The following TTLL7 variants were observed in gnomAD, a reference collection of about 807,000 sequenced individuals.
TTLL7 encodes the protein tubulin tyrosine ligase like 7, also known as tubulin polyglutamylase TTLL7.
TTLL7 carries 53 observed loss-of-function variants against 120.2 expected under a neutral mutation model. The observed-to-expected ratio is 0.44, with a 90% CI of 0.35 to 0.55. TTLL7 has a LOEUF of 0.55. TTLL7 is among the 20% of genes least tolerant of loss of function. The probability of loss-of-function intolerance (pLI) is 0.00; values close to 1 mark genes in which losing one functional copy is unlikely to be tolerated. For synonymous variants in TTLL7, 353 were observed against 351.7 expected (o/e 1.00, Z -0.04); for missense variants, 803 against 1,054.7 (o/e 0.76, Z 3.31).
chr1:83,887,139 T>C (rs1655040342), intron 19 of TTLL7: 1 of 745,114 alleles, frequency 1.3e-6, no homozygotes, highest in Non-Finnish European at 1.8e-6. Context: ...TACATTACTC[T>C]GGTGTTTCTG....
rs1324154338 is a variant in TTLL7 at position 83,890,209 on chromosome 1, G to C, written c.2369+112C>G. Reference sequence around the variant, plus strand: ...AGTTGAGTACTAAACATTACATGCAGTAAAAGAAATCCATATTTTAAAAGA... The same window carrying C: ...AGTTGAGTACTAAACATTACATGCACTAAAAGAAATCCATATTTTAAAAGA... On this transcript the variant is annotated intron_variant, in intron 19 of 20. Transcript: ENST00000260505. The C allele has an allele frequency of 3.6e-6, 4 of 1,115,020 alleles. No homozygotes were observed. In the East Asian group the frequency reaches 1.0e-4, roughly 29 times the overall value. The allele number at this position is 1,115,020 out of a possible 1,614,324, so 69.1% of individuals were successfully genotyped here.
intron 8 of TTLL7, 92 bp from the exon 9 acceptor site, chr1:83,933,858 C>T: frequency 7.9e-7 from 1 of 1,258,920 alleles, no homozygotes; most frequent in Non-Finnish European, 1.1e-6. Context: ...GCAGCCTGGC[C>T]AAGTTTACAA....
intron 1 of TTLL7, among the ~76,000 whole-genome samples, chr1:83,969,084 T>G (rs1650740298): frequency 6.6e-6 from 1 of 152,036 alleles, no homozygotes; most frequent in South Asian, 2.1e-4. Context: ...CATGATATTA[T>G]TAGCAATGTG....
intron 18 of TTLL7, among the ~76,000 whole-genome samples, chr1:83,892,656 GAATGAACATATATATGAA>G (rs1655748285): frequency 1.0e-5 from 1 of 99,760 alleles, no homozygotes; most frequent in Non-Finnish European, 2.4e-5. Flanking sequence ...ATGAACATAT[GAATGAACATATATATGAA>G]CATATGAACA....
intron 1 of TTLL7, among the ~76,000 whole-genome samples, chr1:83,958,754 G>C (rs11163874): frequency 0.43 from 65,604 of 151,970 alleles, 15,599 homozygotes; most frequent in Non-Finnish European, 0.54. Context: ...TATTTGTTTT[G>C]AATATTATTC....
chr1:83,877,408 T>C (rs1244068148), intron 20 of TTLL7, among the ~76,000 whole-genome samples: 1 of 152,040 alleles, frequency 6.6e-6, no homozygotes, highest in Non-Finnish European at 1.5e-5. Context: ...TGAAGAGTGT[T>C]CGCTCCTTTG....
chr1:83,940,689 A>G (rs985531132), intron 7 of TTLL7, among the ~76,000 whole-genome samples: 1 of 152,150 alleles, frequency 6.6e-6, no homozygotes, highest in Non-Finnish European at 1.5e-5. Context: ...TTCTTGGTCC[A>G]GACCCACTGC....
intron 1 of TTLL7, among the ~76,000 whole-genome samples, chr1:83,975,875 C>G (rs1277361722): frequency 6.6e-6 from 1 of 151,962 alleles, no homozygotes; most frequent in East Asian, 1.9e-4. Flanking sequence ...CAGACCATAA[C>G]CTCTAGAGGA....
intron 1 of TTLL7, among the ~76,000 whole-genome samples, chr1:83,958,329 T>C (rs1487522689): frequency 6.6e-6 from 1 of 152,170 alleles, no homozygotes; most frequent in Non-Finnish European, 1.5e-5. Flanking sequence ...GATCCCTAAA[T>C]TGTAATTATC....
At chr1:83,939,014 G>C (rs928954646) in intron 7 of TTLL7, among the ~76,000 whole-genome samples, 1 of 152,076 alleles carries the variant, frequency 6.6e-6, no homozygotes, top group Admixed American at 6.6e-5. Context: ...GGTACATGTT[G>C]TTTATTAATC....
At chr1:83,960,398 G>C (rs1407967697) in intron 1 of TTLL7, among the ~76,000 whole-genome samples, 1 of 152,116 alleles carries the variant, frequency 6.6e-6, no homozygotes, top group Non-Finnish European at 1.5e-5. Context: ...AAAAGCAACA[G>C]ACATAAGGAG....
chr1:83,877,668 T>C (rs2181901), intron 20 of TTLL7, among the ~76,000 whole-genome samples: 6,349 of 152,054 alleles, frequency 0.042, 159 homozygotes, highest in Middle Eastern at 0.099. Context: ...ATTTGTAGAA[T>C]CTGTAGTAAC....
intron 1 of TTLL7, among the ~76,000 whole-genome samples, chr1:83,962,652 T>C (rs951237587): frequency 6.6e-6 from 1 of 152,166 alleles, no homozygotes; most frequent in Non-Finnish European, 1.5e-5. Context: ...TTTCCCAGAC[T>C]TCCTTACAGG....
In TTLL7 at chr1:83,892,401, T is replaced by C. The variant is rs867528137; in HGVS notation, c.2209-1920A>G. On this transcript the variant is annotated intron_variant, in intron 18 of 20. Transcript: ENST00000260505. Reference sequence around the variant, plus strand: ...ATATGAATATATATACGAATATATATGAACATATATATGAACATATATATG... The same window carrying C: ...ATATGAATATATATACGAATATATACGAACATATATATGAACATATATATG... Among the ~76,000 whole-genome samples, 12 of 127,274 alleles carry C rather than the reference T, an allele frequency of 9.4e-5. 2 individuals carry two copies. The highest frequency in any genetic ancestry group is 3.5e-4 in the African/African-American group (12 of 34,002). 83.5% of individuals were successfully genotyped at this position (127,274 alleles called of 152,430 possible).
At chr1:83,927,556 T>C (rs999879996) in intron 10 of TTLL7, among the ~76,000 whole-genome samples, 3 of 152,110 alleles carry the variant, frequency 2.0e-5, no homozygotes, top group Non-Finnish European at 4.4e-5. Flanking sequence ...ACAGTTTGGG[T>C]TGGAGAGAAA....
chr1:83,905,626 C>T (rs1357301362), intron 17 of TTLL7, among the ~76,000 whole-genome samples: 3 of 150,196 alleles, frequency 2.0e-5, no homozygotes, highest in Non-Finnish European at 4.4e-5. Context: ...TACATATGGC[C>T]CCCAAAAAAC....
chr1:83,972,055 T>C (rs1651043939), intron 1 of TTLL7, among the ~76,000 whole-genome samples: 1 of 152,010 alleles, frequency 6.6e-6, no homozygotes, highest in African/African-American at 2.4e-5. Context: ...TCCCCCATTA[T>C]CAACATCCAC....
rs187366793 is a variant in TTLL7, at chr1:83,896,343, C to T, written c.2209-5862G>A. 1.4e-3 allele frequency among the ~76,000 whole-genome samples: 216 copies of T among 152,154 alleles called. 2 individuals are homozygous for T. Among genetic ancestry groups the T allele is most frequent in the Admixed American group, 0.013 (199 of 15,264 alleles). Reference sequence around the variant, plus strand: ...ACATTAATAAAATGAAAAGATTTGTCTTTTCCATGTGAAATATAGCACATT... The same window carrying T: ...ACATTAATAAAATGAAAAGATTTGTTTTTTCCATGTGAAATATAGCACATT... On this transcript the variant is annotated intron_variant, in intron 18 of 20. Coordinates refer to ENST00000260505, the MANE Select transcript of TTLL7 (RefSeq NM_024686.6).
intron 18 of TTLL7, among the ~76,000 whole-genome samples, chr1:83,890,883 T>G (rs569553389): frequency 4.7e-4 from 71 of 152,142 alleles, no homozygotes; most frequent in Non-Finnish European, 7.1e-4. Context: ...AAGAGACTGT[T>G]CAATATGTAG....
Sources: gnomAD v4.1 joint callset for allele counts (sites outside exome capture counted in the v4.1 genomes callset) on GRCh38, gnomAD v4.1.1 for gene constraint, MANE v1.5 for transcripts, NCBI Gene and HGNC (gene_info 2026-07-23, HGNC 2026-07-21) for gene names.